The following PELI2 variants were observed in gnomAD, a reference collection of about 807,000 sequenced individuals.
The protein encoded by PELI2 is pellino E3 ubiquitin protein ligase family member 2.
PELI2 carries 23 observed loss-of-function variants against 42.3 expected under a neutral mutation model. The observed-to-expected ratio is 0.54, with a 90% CI of 0.39 to 0.77. PELI2 has a LOEUF of 0.77. PELI2 is among the 30% of genes least tolerant of loss of function. PELI2 has a pLI of 0.00. For missense variants in PELI2, 463 were observed against 553.2 expected, an observed-to-expected ratio of 0.84 and a Z score of 1.64; for synonymous variants, 245 against 212.2, an observed-to-expected ratio of 1.15 and a Z score of -1.34.
intron 3 of PELI2, among the ~76,000 whole-genome samples, chr14:56,286,910 T>A (rs1188243956): frequency 6.6e-6 from 1 of 152,206 alleles, no homozygotes; most frequent in Non-Finnish European, 1.5e-5. Context: ...AAATCATTGA[T>A]CCTAGCAGGC....
chr14:56,263,061 A>G (rs1888772063), intron 2 of PELI2, among the ~76,000 whole-genome samples: 1 of 152,152 alleles, frequency 6.6e-6, no homozygotes, highest in African/African-American at 2.4e-5. Context: ...GGTTCAAGCA[A>G]TTCTCCTGCC....
chr14:56,252,216 T>C (rs1888371127), intron 2 of PELI2, among the ~76,000 whole-genome samples: 1 of 152,194 alleles, frequency 6.6e-6, no homozygotes, highest in South Asian at 2.1e-4. Flanking sequence ...CCAGACTTGA[T>C]AAAAAGGAGT....
At chr14:56,184,607 G>A (rs1885703214) in intron 2 of PELI2, among the ~76,000 whole-genome samples, 1 of 151,896 alleles carries the variant, frequency 6.6e-6, no homozygotes, top group African/African-American at 2.4e-5. Context: ...AATAAATAAG[G>A]GATTTTCATA....
chr14:56,178,552 T>A (rs1162485869), intron 2 of PELI2, 88 bp downstream of exon 2: 7 of 1,426,886 alleles, frequency 4.9e-6, no homozygotes, highest in Non-Finnish European at 5.9e-6. Flanking sequence ...CCTTTCGTCT[T>A]TTCATGTAGG....
intron 2 of PELI2, among the ~76,000 whole-genome samples, chr14:56,214,155 A>C (rs1183283607): frequency 6.6e-6 from 1 of 152,082 alleles, no homozygotes; most frequent in Admixed American, 6.6e-5. Flanking sequence ...GCCTGGCCAC[A>C]GTGGTTGTTT....
chr14:56,187,191 TG>T (rs1349187622), intron 2 of PELI2, among the ~76,000 whole-genome samples: 46 of 152,330 alleles, frequency 3.0e-4, no homozygotes, highest in African/African-American at 1.1e-3. Flanking sequence ...AGACCAAAGC[TG>T]GGTTCTGCTC....
In PELI2 at chr14:56,297,109, A is replaced by C. The variant is rs758023866; in HGVS notation, c.1206A>C (p.Thr402=). The C allele has an allele frequency of 6.2e-7, 1 of 1,607,122 alleles. No individual in the cohort carries two copies. The highest frequency in any genetic ancestry group is 1.1e-5 in the South Asian group (1 of 91,082). The change falls in exon 6 of 6, where the codon ACA becomes ACC. Residue 402 remains threonine (T), a synonymous_variant. Transcript: ENST00000267460. The part of the protein sequence containing the change: ...AFHAACPFCA[T]QLVGEQNCIK... ...ACGCTGCTTGCCCTTTCTGTGCTACACAGCTGGTTGGGGAGCAAAACTGCA... is the reference window on the plus strand; with the variant it reads ...ACGCTGCTTGCCCTTTCTGTGCTACCCAGCTGGTTGGGGAGCAAAACTGCA...
chr14:56,173,900 T>C (rs1209588084), intron 1 of PELI2, among the ~76,000 whole-genome samples: 1 of 152,196 alleles, frequency 6.6e-6, no homozygotes, highest in African/African-American at 2.4e-5. Context: ...ACAAGTGACA[T>C]GGATGTATCT....
rs553539898 is a variant in PELI2, at chr14:56,188,020, G to A, written c.207+9556G>A. On this transcript the variant is annotated intron_variant, in intron 2 of 5. Coordinates refer to ENST00000267460, the MANE Select transcript of PELI2 (RefSeq NM_021255.3). The stretch of plus-strand genomic sequence containing the variant: ...CCTGGTGTACTAGCCCTCAATATCA[G>A]TATTCGGAAAAGTTGGCCCAGCTGC... 1.2e-4 allele frequency among the ~76,000 whole-genome samples: 18 copies of A among 152,330 alleles called. No homozygotes were observed. The South Asian group carries it at 3.7e-3, about 32-fold the overall frequency.
chr14:56,237,332 A>G (rs935389139), intron 2 of PELI2, among the ~76,000 whole-genome samples: 2 of 152,208 alleles, frequency 1.3e-5, no homozygotes, highest in African/African-American at 2.4e-5. Context: ...TACAGGGGCT[A>G]GGAAGATTCA....
chr14:56,208,117 G>A (rs115595867), intron 2 of PELI2, among the ~76,000 whole-genome samples: 1,874 of 152,338 alleles, frequency 0.012, 31 homozygotes, highest in African/African-American at 0.039. Flanking sequence ...AACAGCTTAG[G>A]AGTTGTCTGG....
Position 56,288,237 on chromosome 14 carries a change from G to A in PELI2, c.310-200G>A, listed in dbSNP as rs936211058. 1.1e-4 allele frequency among the ~76,000 whole-genome samples: 16 copies of A among 152,112 alleles called. No individual in the cohort carries two copies. Among genetic ancestry groups the A allele is most frequent in the Admixed American group, 2.0e-4 (3 of 15,272 alleles). On this transcript the variant is annotated intron_variant, in intron 3 of 5. Transcript: ENST00000267460. This position sits in a 1 kb window ranked among gnomAD's most constrained non-coding sequence, Gnocchi z 4.6. ...CACAATACAATAAAATTAAAAATAG[G>A]TATCTCTAATATTTGGTTACCCTAA...
chr14:56,170,440 A>T (rs937794240), intron 1 of PELI2, among the ~76,000 whole-genome samples: 5 of 152,222 alleles, frequency 3.3e-5, no homozygotes, highest in African/African-American at 1.2e-4. Context: ...TTAAGACTCC[A>T]TCTTTGCACT....
intron 2 of PELI2, among the ~76,000 whole-genome samples, chr14:56,257,103 G>A (rs925499462): frequency 6.6e-6 from 1 of 152,096 alleles, no homozygotes; most frequent in African/African-American, 2.4e-5. Context: ...GGGCAAGTAG[G>A]ATATTATTTA....
At chr14:56,174,384 A>G (rs1230863884) in intron 1 of PELI2, among the ~76,000 whole-genome samples, 2 of 152,146 alleles carry the variant, frequency 1.3e-5, no homozygotes, top group Non-Finnish European at 2.9e-5. Context: ...CATGTTAGCC[A>G]TTTGCTTAAA....
chr14:56,244,550 C>T (rs4526946), intron 2 of PELI2, among the ~76,000 whole-genome samples: 61,274 of 151,906 alleles, frequency 0.4, 13,075 homozygotes, highest in South Asian at 0.53. Flanking sequence ...CCCAGACATT[C>T]CTAATGACAG....
chr14:56,236,894 A>G (rs1206573201), intron 2 of PELI2, among the ~76,000 whole-genome samples: 1 of 152,162 alleles, frequency 6.6e-6, no homozygotes, highest in East Asian at 1.9e-4. Context: ...TGAGATAGGC[A>G]ACTTTCTTTG....
intron 1 of PELI2, among the ~76,000 whole-genome samples, chr14:56,124,424 A>G (rs768160908): frequency 2.0e-5 from 3 of 152,210 alleles, no homozygotes; most frequent in Non-Finnish European, 4.4e-5. Context: ...GCATTCAGCA[A>G]ATATTTATTG....
Position 56,133,552 on chromosome 14 carries a change from C to T in PELI2, c.77+14815C>T, listed in dbSNP as rs138370691. On this transcript the variant is annotated intron_variant, in intron 1 of 5. Coordinates refer to ENST00000267460, the MANE Select transcript of PELI2 (RefSeq NM_021255.3). ...TACACATGTCCTGCCCAGGCAAGCT[C>T]GGGATCCAGTTTTCTGCCCTTGGGG... 6.7e-4 allele frequency among the ~76,000 whole-genome samples: 102 copies of T among 152,324 alleles called. 3 individuals carry two copies. The East Asian group carries it at 0.013, about 19-fold the overall frequency.
Sources: gnomAD v4.1 joint callset for allele counts (sites outside exome capture counted in the v4.1 genomes callset) on GRCh38, gnomAD v4.1.1 for gene constraint, Gnocchi (gnomAD v3.1) non-coding constraint, MANE v1.5 for transcripts, NCBI Gene and HGNC (gene_info 2026-07-23, HGNC 2026-07-21) for gene names.